The following ABCA6 variants were observed in gnomAD, a reference collection of about 807,000 sequenced individuals.
The protein encoded by ABCA6 is ATP-binding cassette sub-family A member 6.
A neutral mutation model predicts 191.2 loss-of-function variants in ABCA6; 164 were observed. The observed-to-expected ratio is 0.86, with a 90% CI of 0.76 to 0.98. The LOEUF (loss-of-function observed/expected upper bound fraction) is 0.98, where lower values mean the gene tolerates loss of function less well. Among genes scored for constraint, ABCA6 ranks in the 50% least tolerant of loss-of-function variants. The pLI is 0.00. For missense variants in ABCA6, 1,958 were observed against 1,894.1 expected (o/e 1.03, Z -0.63); for synonymous variants, 636 against 647.7 (o/e 0.98, Z 0.27).
At chr17:69,120,402 T>G (rs1056504617) in intron 10 of ABCA6, among the ~76,000 whole-genome samples, 1 of 152,056 alleles carries the variant, frequency 6.6e-6, no homozygotes, top group Admixed American at 6.6e-5. Flanking sequence ...TAGTTAACAC[T>G]TCTATTGACT....
intron 2 of ABCA6, among the ~76,000 whole-genome samples, chr17:69,139,129 C>CAA (rs1184204688): frequency 6.6e-6 from 1 of 152,048 alleles, no homozygotes; most frequent in African/African-American, 2.4e-5. Flanking sequence ...TTCTGCACAG[C>CAA]AAAAGAAACT....
intron 28 of ABCA6, 97 bp downstream of exon 28, chr17:69,088,070 C>A: frequency 1.9e-6 from 2 of 1,069,202 alleles, no homozygotes; most frequent in Admixed American, 2.7e-5. Flanking sequence ...TGTGCTTCCA[C>A]TGTAAATGTA....
chr17:69,079,115 T>C (rs1357919837), intron 38 of ABCA6, 41 bp from the exon 39 acceptor site: 2 of 1,572,412 alleles, frequency 1.3e-6, no homozygotes, highest in South Asian at 2.3e-5. Context: ...GGAAGAGAGA[T>C]TATCAAGTTG....
intron 18 of ABCA6, 22 bp downstream of exon 18, chr17:69,107,659 GGAATTGGTTTTCTGT>G (rs1165511911): frequency 7.7e-7 from 1 of 1,304,660 alleles, no homozygotes; most frequent in Non-Finnish European, 1.1e-6. Flanking sequence ...TGATCATTTG[GGAATTGGTTTTCTGT>G]GAATTATACA....
chr17:69,107,831 A>G lies in ABCA6; in HGVS notation c.2273-19T>C. On this transcript the variant is annotated intron_variant, in intron 17 of 38. Coordinates refer to ENST00000284425, the MANE Select transcript of ABCA6 (RefSeq NM_080284.3). Reference sequence around the variant, plus strand: ...AAAAGATCTAAGGCAAAAAAATATGAATAGATACTTTGGAAAACCACATTG... The same window carrying G: ...AAAAGATCTAAGGCAAAAAAATATGGATAGATACTTTGGAAAACCACATTG... 1 of 1,448,616 alleles carries G rather than the reference A, an allele frequency of 6.9e-7. No homozygotes were observed. The highest frequency in any genetic ancestry group is 9.6e-7 in the Non-Finnish European group (1 of 1,037,040). 89.7% of individuals were successfully genotyped at this position (1,448,616 alleles called of 1,614,324 possible). A position where few individuals can be genotyped will look rare whatever the true frequency, so the allele number is the denominator to read the frequency against.
intron 19 of ABCA6, 40 bp from the exon 20 acceptor site, chr17:69,105,668 A>C: frequency 7.4e-7 from 1 of 1,344,330 alleles, no homozygotes; most frequent in Middle Eastern, 2.7e-4. Context: ...ATCTCCAGGA[A>C]TTTTATTTAT....
chr17:69,126,580 T>C (rs921854992), intron 8 of ABCA6, among the ~76,000 whole-genome samples: 4 of 151,978 alleles, frequency 2.6e-5, no homozygotes, highest in African/African-American at 7.3e-5. Flanking sequence ...CCCAGGAGGT[T>C]GAGGCTGCAG....
rs556789644 is a variant in ABCA6, at chr17:69,093,158, T to A, written c.3409-1896A>T. 3.3e-5 allele frequency among the ~76,000 whole-genome samples: 5 copies of A among 152,308 alleles called. No individual in the cohort carries two copies. The South Asian group carries it at 8.3e-4, about 25-fold the overall frequency. On this transcript the variant is annotated intron_variant, in intron 25 of 38. Coordinates refer to ENST00000284425, the MANE Select transcript of ABCA6 (RefSeq NM_080284.3). ...TACTTTTTGTGTTTTTCTGAGCAAG[T>A]TACTAAATTTTTTCCTCTATTGAAG...
At chr17:69,104,767 C>G (rs1289111162) in intron 20 of ABCA6, 1 of 145,268 alleles carries the variant, frequency 6.9e-6, no homozygotes, top group Non-Finnish European at 1.5e-5. Flanking sequence ...GCCAGGAGTT[C>G]AACACAGCCT....
Position 69,084,460 on chromosome 17 carries a change from T to G in ABCA6, c.4232A>C (p.Gln1411Pro). Residue 1411 changes from glutamine (Q) to proline (P), a missense_variant, in exon 33 of 39, where the codon CAG becomes CCG. Gln to Pro is a moderately conservative substitution (Grantham distance 76). Transcript: ENST00000284425. ...KLHEQLNVPV[Q>P]KLTAGITRKL... ...TCTCGTGATTCCTGCTGTTAATTTC[T>G]GCACAGGAACATTCAGCTGCTCATG... 1 of 1,614,198 alleles carries G rather than the reference T, an allele frequency of 6.2e-7. No individual in the cohort carries two copies. The highest frequency in any genetic ancestry group is 1.3e-5 in the African/African-American group (1 of 75,066).
chr17:69,112,364 C>T lies in ABCA6; in HGVS notation c.2042-91G>A. On this transcript the variant is annotated intron_variant, in intron 15 of 38. Transcript: ENST00000284425. Reference sequence around the variant, plus strand: ...GACGAGGAGCCAAGGCTCAGAAGTGCAAAGGAGAAGTATTCAACAGGGTAT... The same window carrying T: ...GACGAGGAGCCAAGGCTCAGAAGTGTAAAGGAGAAGTATTCAACAGGGTAT... 5.2e-6 allele frequency: 5 copies of T among 957,116 alleles called. No individual in the cohort carries two copies. The South Asian group carries it at 7.0e-5, about 13-fold the overall frequency. 59.3% of individuals were successfully genotyped at this position (957,116 alleles called of 1,614,324 possible). A position where few individuals can be genotyped will look rare whatever the true frequency, so the allele number is the denominator to read the frequency against.
In ABCA6 at chr17:69,113,330, A is replaced by T; in HGVS notation, c.1933T>A (p.Leu645Met). ...ILLLDEPTTG[L>M]DPFSRDQVWS... ...ACTTGATCTCTGGAAAAGGGATCCA[A>T]TCCAGTAGTTGGTTCATCTAAAAGC... Residue 645 changes from leucine (L) to methionine (M), a missense_variant, in exon 15 of 39, where the codon TTG becomes ATG. Coordinates refer to ENST00000284425, the MANE Select transcript of ABCA6 (RefSeq NM_080284.3). 1 of 1,592,518 alleles carries T rather than the reference A, an allele frequency of 6.3e-7. No individual in the cohort carries two copies.
chr17:69,125,060 A>G, intron 8 of ABCA6, 25 bp from the exon 9 acceptor site: 2 of 1,178,484 alleles, frequency 1.7e-6, no homozygotes, highest in Non-Finnish European at 2.3e-6. Context: ...ATAAAAATAA[A>G]TGTTTAAAAT....
intron 5 of ABCA6, among the ~76,000 whole-genome samples, chr17:69,134,219 T>C (rs1379161893): frequency 3.9e-5 from 6 of 152,216 alleles, no homozygotes; most frequent in African/African-American, 1.2e-4. Flanking sequence ...GGTTTGAAAG[T>C]GGCCCCTCCT....
At position 69,105,466 on chromosome 17, in the gene ABCA6, G is replaced by A; in HGVS notation, c.2736C>T (p.Asn912=). The A allele has an allele frequency of 6.2e-7, 1 of 1,603,338 alleles. No homozygotes were observed. Among genetic ancestry groups the A allele is most frequent in the South Asian group, 1.1e-5 (1 of 88,298 alleles). ...AAATTTTATTTTTCTTTTCACCTGT[G>A]TTATTGATGATCAACAGGCTGGTAC... ...EPRTSLLIIN[N]TESNIEDFIK... is the part of the protein sequence containing the mutation. The change falls in exon 20 of 39, where the codon AAC becomes AAT. Residue 912 remains asparagine, a synonymous_variant. Transcript: ENST00000284425.
chr17:69,129,740 C>T lies in ABCA6; in HGVS notation c.803G>A (p.Gly268Asp). The change falls in exon 7 of 39, where the codon GGT (glycine) becomes GAT (aspartate). Residue 268 changes from glycine to aspartate, a missense_variant. Physicochemically the swap from Gly to Asp is moderately conservative, Grantham distance 94 (BLOSUM62 -1). Coordinates refer to ENST00000284425, the MANE Select transcript of ABCA6 (RefSeq NM_080284.3). ...AAAGATGAAGCCAGCATAGATTAGA[C>T]CCCAGGAGAGCCTAAATAAAGACAA... is the stretch of plus-strand genomic sequence containing the variant. ...LQDSAFWLSW[G>D]LIYAGFIFII... 2 of 1,580,100 alleles carry T rather than the reference C, an allele frequency of 1.3e-6. No individual in the cohort carries two copies. Among genetic ancestry groups the T allele is most frequent in the Non-Finnish European group, 1.7e-6 (2 of 1,166,216 alleles).
chr17:69,126,244 A>G (rs1342242697), intron 8 of ABCA6, among the ~76,000 whole-genome samples: 1 of 152,184 alleles, frequency 6.6e-6, no homozygotes, highest in Non-Finnish European at 1.5e-5. Flanking sequence ...TACATTAACA[A>G]CAAATGTTTA....
chr17:69,112,611 C>A, intron 15 of ABCA6: 1 of 237,096 alleles, frequency 4.2e-6, no homozygotes, highest in Non-Finnish European at 8.3e-6. Context: ...AATGGGTACA[C>A]ATGGACATAC....
chr17:69,138,200 G>T (rs369774556), intron 2 of ABCA6, among the ~76,000 whole-genome samples: 19 of 152,230 alleles, frequency 1.2e-4, no homozygotes, highest in African/African-American at 4.3e-4. Context: ...TGGTGGCAGA[G>T]GTCCTGGATG....
Sources: gnomAD v4.1 joint callset for allele counts (sites outside exome capture counted in the v4.1 genomes callset) on GRCh38, gnomAD v4.1.1 for gene constraint, MANE v1.5 for transcripts, NCBI Gene and HGNC (gene_info 2026-07-23, HGNC 2026-07-21) for gene names.